HS3ST5: variants seen among roughly 807,000 people sequenced by gnomAD.
HS3ST5 encodes heparan sulfate glucosamine 3-O-sulfotransferase 5.
HS3ST5 carries 10 observed loss-of-function variants against 25.4 expected under a neutral mutation model. That is an observed-to-expected ratio of 0.39 (90% CI 0.24 to 0.67). The LOEUF is 0.67. Among genes scored for constraint, HS3ST5 ranks in the 30% least tolerant of loss-of-function variants. The probability of loss-of-function intolerance (pLI) is 0.44; values close to 1 mark genes in which losing one functional copy is unlikely to be tolerated. For synonymous variants in HS3ST5, 170 were observed against 162.4 expected, an observed-to-expected ratio of 1.05 and a Z score of -0.36; for missense variants, 324 against 420.7, an observed-to-expected ratio of 0.77 and a Z score of 2.01.
At chr6:114,083,728 T>A (rs188825035) in intron 3 of HS3ST5, among the ~76,000 whole-genome samples, 3 of 152,336 alleles carry the variant, frequency 2.0e-5, no homozygotes, top group Admixed American at 2.0e-4. Flanking sequence ...TTTCTAAGAC[T>A]GGATCTTTTA....
intron 2 of HS3ST5, among the ~76,000 whole-genome samples, chr6:114,176,071 T>G (rs1459166067): frequency 6.6e-6 from 1 of 152,208 alleles, no homozygotes; most frequent in Non-Finnish European, 1.5e-5. Flanking sequence ...ATAATAATGA[T>G]GAATAAATTA....
At chr6:114,211,950 G>A (rs1035787165) in intron 2 of HS3ST5, among the ~76,000 whole-genome samples, 14 of 152,198 alleles carry the variant, frequency 9.2e-5, no homozygotes, top group Non-Finnish European at 1.5e-4. Flanking sequence ...CTGCAACAGC[G>A]TGGGAAATAT....
At chr6:114,213,541 A>G (rs1413213907) in intron 2 of HS3ST5, among the ~76,000 whole-genome samples, 1 of 151,894 alleles carries the variant, frequency 6.6e-6, no homozygotes, top group Non-Finnish European at 1.5e-5. Flanking sequence ...CAGGTACAGT[A>G]TTGTCTTCTG....
chr6:114,240,393 G>T (rs138588105), intron 1 of HS3ST5, among the ~76,000 whole-genome samples: 69 of 152,214 alleles, frequency 4.5e-4, no homozygotes, highest in African/African-American at 1.6e-3. Flanking sequence ...ATATCTCAAT[G>T]AAATGAAATG....
intron 3 of HS3ST5, among the ~76,000 whole-genome samples, chr6:114,066,253 C>G (rs1280336548): frequency 6.6e-6 from 1 of 152,248 alleles, no homozygotes; most frequent in Non-Finnish European, 1.5e-5. Flanking sequence ...CTTTGCTGCA[C>G]AGGCCAGTGA....
chr6:114,061,300 A>C (rs960420858), intron 4 of HS3ST5, among the ~76,000 whole-genome samples: 1 of 152,214 alleles, frequency 6.6e-6, no homozygotes, highest in South Asian at 2.1e-4. Flanking sequence ...AGGCTTCTCA[A>C]TAACCATCAA....
At chr6:114,153,027 G>A (rs772263473) in intron 3 of HS3ST5, among the ~76,000 whole-genome samples, 2 of 152,172 alleles carry the variant, frequency 1.3e-5, no homozygotes, top group Admixed American at 1.3e-4. Context: ...AGGAGTTGAA[G>A]TCTTGCCACT....
chr6:114,314,403 T>C (rs573411852), intron 1 of HS3ST5, among the ~76,000 whole-genome samples: 57 of 152,360 alleles, frequency 3.7e-4, no homozygotes, highest in African/African-American at 1.3e-3. Context: ...AGAATTTCAG[T>C]TGCAGCCAAG....
Position 114,055,662 on chromosome 6 carries a change from T to A in HS3ST5, c.*1595A>T, listed in dbSNP as rs1772737458. 6.6e-6 allele frequency: 1 copy of A among 152,200 alleles called. No homozygotes were observed. Among genetic ancestry groups the A allele is most frequent in the African/African-American group, 2.4e-5 (1 of 41,456 alleles). The allele number at this position is 152,200 out of a possible 1,614,324, so 9.4% of individuals were successfully genotyped here. On this transcript the variant is annotated 3_prime_UTR_variant, in exon 5 of 5. Transcript: ENST00000312719. ...ATCACTAGACAGGATAAACAACTCA[T>A]GGAGAAAATCAACACTTATTACAAT... is the stretch of plus-strand genomic sequence containing the variant.
At chr6:114,208,924 G>A (rs1404486170) in intron 2 of HS3ST5, among the ~76,000 whole-genome samples, 5 of 152,096 alleles carry the variant, frequency 3.3e-5, no homozygotes, top group Non-Finnish European at 4.4e-5. Context: ...GTGCTTATAG[G>A]GCTATACTAT....
chr6:114,338,242 A>G (rs1776684972), intron 1 of HS3ST5, among the ~76,000 whole-genome samples: 1 of 151,856 alleles, frequency 6.6e-6, no homozygotes, highest in South Asian at 2.1e-4. Flanking sequence ...AAAAACAGAT[A>G]TATACATAAA....
rs1027144441 is a variant in HS3ST5 at position 114,129,222 on chromosome 6, C to T, written c.-33+39129G>A. On this transcript the variant is annotated intron_variant, in intron 3 of 4. Transcript: ENST00000312719. ...TTCCCAGGAGCTGGAGATGCAAAGA[C>T]AATTGAGACACACACCTGCAACAAG... 2.1e-5 allele frequency among the ~76,000 whole-genome samples: 3 copies of T among 144,698 alleles called. No homozygotes were observed. The Admixed American group carries it at 2.1e-4, about 10-fold the overall frequency. The allele number at this position is 144,698 out of a possible 152,430, so 94.9% of individuals were successfully genotyped here.
At chr6:114,204,748 C>A (rs1278173749) in intron 2 of HS3ST5, among the ~76,000 whole-genome samples, 1 of 151,802 alleles carries the variant, frequency 6.6e-6, no homozygotes, top group East Asian at 1.9e-4. Context: ...TTGTAACTTG[C>A]CTTTATTGAG....
In HS3ST5 at chr6:114,133,692, C is replaced by T. The variant is rs1457707484; in HGVS notation, c.-33+34659G>A. Among the ~76,000 whole-genome samples the T allele has an allele frequency of 2.6e-5, 4 of 152,122 alleles. No individual in the cohort carries two copies. In the South Asian group the frequency reaches 6.2e-4, roughly 24 times the overall value. On this transcript the variant is annotated intron_variant, in intron 3 of 4. Transcript: ENST00000312719. ...AAGAAAAATAATGCATTTTAAGATG[C>T]TCATTTGTAGTGGGGGCAAGAGCTA...
chr6:114,163,388 G>A (rs62415770), intron 3 of HS3ST5, among the ~76,000 whole-genome samples: 12,105 of 152,052 alleles, frequency 0.08, 564 homozygotes, highest in African/African-American at 0.12. Flanking sequence ...AACTGAAATC[G>A]TCCCAAGAAT....
chr6:114,115,106 G>C (rs948816956), intron 3 of HS3ST5, among the ~76,000 whole-genome samples: 1 of 151,984 alleles, frequency 6.6e-6, no homozygotes, highest in Admixed American at 6.6e-5. Context: ...CCTATATGAG[G>C]ATATATTTTA....
At chr6:114,068,146 CT>C (rs1235308809) in intron 3 of HS3ST5, among the ~76,000 whole-genome samples, 1 of 152,084 alleles carries the variant, frequency 6.6e-6, no homozygotes, top group Non-Finnish European at 1.5e-5. Context: ...GTATAAATAA[CT>C]TTTAATGGAA....
At chr6:114,192,384 A>G (rs1162876750) in intron 2 of HS3ST5, among the ~76,000 whole-genome samples, 1 of 152,248 alleles carries the variant, frequency 6.6e-6, no homozygotes, top group Non-Finnish European at 1.5e-5. Context: ...ACTCTCTCAC[A>G]GAGAGGTATC....
At chr6:114,145,014 G>A (rs1011473663) in intron 3 of HS3ST5, among the ~76,000 whole-genome samples, 6 of 152,128 alleles carry the variant, frequency 3.9e-5, no homozygotes, top group African/African-American at 7.2e-5. Flanking sequence ...TGATGCTCAC[G>A]GAAATTACTC....
Sources: allele counts gnomAD v4.1 joint callset (sites outside exome capture counted in the v4.1 genomes callset), GRCh38; gene constraint gnomAD v4.1.1; transcripts MANE v1.5; gene names NCBI Gene and HGNC (gene_info 2026-07-23, HGNC 2026-07-21).